CHST8: variants seen among roughly 807,000 people sequenced by gnomAD.
CHST8 encodes the protein GALNAC-4-ST1.
Under a neutral mutation model 15.0 loss-of-function variants are expected in CHST8, and 10 were observed. The ratio of observed to expected loss-of-function variants is 0.67; its 90% CI spans 0.41 to 1.13. CHST8 has a LOEUF of 1.13. Among genes scored for constraint, CHST8 ranks in the 50% most tolerant of loss-of-function variants. The probability of loss-of-function intolerance (pLI) is 0.00; values close to 1 mark genes in which losing one functional copy is unlikely to be tolerated. For synonymous variants in CHST8, 259 were observed against 256.6 expected, an observed-to-expected ratio of 1.01 and a Z score of -0.09; for missense variants, 634 against 608.2, an observed-to-expected ratio of 1.04 and a Z score of -0.45.
At chr19:33,720,296 C>A (rs912554357) in intron 3 of CHST8, among the ~76,000 whole-genome samples, 1 of 151,434 alleles carries the variant, frequency 6.6e-6, no homozygotes, top group East Asian at 1.9e-4. Flanking sequence ...CATACACACT[C>A]CCACACACAC....
intron 3 of CHST8, among the ~76,000 whole-genome samples, chr19:33,749,814 T>C (rs1259906701): frequency 6.6e-6 from 1 of 152,030 alleles, no homozygotes; most frequent in Non-Finnish European, 1.5e-5. Context: ...CCCTTAGCTA[T>C]GGGTGGGTTG....
rs756906111 is a variant in CHST8, at chr19:33,772,198, C to A, written c.410C>A (p.Pro137Gln). The A allele has an allele frequency of 3.1e-6, 5 of 1,592,872 alleles. No homozygotes were observed. The highest frequency in any genetic ancestry group is 1.3e-5 in the African/African-American group (1 of 74,648). The stretch of plus-strand genomic sequence containing the variant: ...AGCTCGGACGCGCCCTTCATCCGGC[C>A]GGGACCCGGGACGCTGGATGGCCGC... ...ANSSDAPFIR[P>Q]GPGTLDGRWV... The change falls in exon 5 of 5, where the codon CCG (proline) becomes CAG (glutamine). Residue 137 changes from proline (P) to glutamine (Q), a missense_variant. Physicochemically the swap from Pro to Gln is moderately conservative, Grantham distance 76. Coordinates refer to ENST00000650847, the MANE Select transcript of CHST8 (RefSeq NM_001127895.2).
chr19:33,772,778 T>G lies in CHST8; in HGVS notation c.990T>G (p.His330Gln), dbSNP rs749658025. Residue 330 changes from histidine to glutamine, a missense_variant, in exon 5 of 5, where the codon CAT becomes CAG. His to Gln is a conservative substitution (Grantham distance 24). Transcript: ENST00000650847. ...RPVGMDIHWD[H>Q]VSRLCSPCLI... ...TGGGGATGGACATTCACTGGGACCA[T>G]GTCAGCCGGCTCTGCAGCCCCTGCC... The G allele has an allele frequency of 1.9e-6, 3 of 1,613,284 alleles. No homozygotes were observed. The African/African-American group carries it at 4.0e-5, about 22-fold the overall frequency.
chr19:33,689,251 G>C lies in CHST8; in HGVS notation c.-11G>C. The C allele has an allele frequency of 3.8e-6, 6 of 1,566,840 alleles. No individual in the cohort carries two copies. Among genetic ancestry groups the C allele is most frequent in the Non-Finnish European group, 5.2e-6 (6 of 1,157,536 alleles). ...CCCACACCCAAGAGGTGACCCCTGA[G>C]CCAGCCCCGGATGACCCTGCGACCT... is the stretch of plus-strand genomic sequence containing the variant. On this transcript the variant is annotated 5_prime_UTR_variant, in exon 3 of 5. Transcript: ENST00000650847.
chr19:33,731,226 C>T (rs772164492), intron 3 of CHST8, among the ~76,000 whole-genome samples: 7 of 152,170 alleles, frequency 4.6e-5, no homozygotes, highest in East Asian at 1.9e-4. Context: ...ACTCCATAGG[C>T]GGAGCAGCAG....
intron 1 of CHST8, among the ~76,000 whole-genome samples, chr19:33,626,889 A>G (rs1252909309): frequency 6.6e-6 from 1 of 151,474 alleles, no homozygotes; most frequent in Non-Finnish European, 1.5e-5. Context: ...TCCAGGCTCA[A>G]ACAATCCTCC....
intron 2 of CHST8, among the ~76,000 whole-genome samples, chr19:33,673,105 G>A (rs1449209524): frequency 2.0e-5 from 3 of 152,200 alleles, no homozygotes; most frequent in Non-Finnish European, 4.4e-5. Flanking sequence ...ACCCAGCCCA[G>A]GGCTGTGTGG....
chr19:33,704,069 G>A (rs284339), intron 3 of CHST8, among the ~76,000 whole-genome samples: 4,106 of 152,226 alleles, frequency 0.027, 183 homozygotes, highest in African/African-American at 0.093. Context: ...GCATTTTTCA[G>A]CCCTCCCCAA....
Position 33,757,483 on chromosome 19 carries a change from AAAG to A in CHST8, c.131-13927_131-13925del, listed in dbSNP as rs1974597895. On this transcript the variant is annotated intron_variant, in intron 3 of 4. Coordinates refer to ENST00000650847, the MANE Select transcript of CHST8 (RefSeq NM_001127895.2). ...GAAAGAAAGAAAGAAAGAAAGAAAG[AAAG>A]AAAGAAAGAAAGAAAGAAAGAAAGA... is the stretch of plus-strand genomic sequence containing the variant. Among the ~76,000 whole-genome samples, 3 of 48,104 alleles carry A rather than the reference AAAG, an allele frequency of 6.2e-5. 1 individual carries two copies. Among genetic ancestry groups the A allele is most frequent in the Non-Finnish European group, 1.3e-4 (3 of 23,460 alleles). The allele number at this position is 48,104 out of a possible 152,430, so 31.6% of individuals were successfully genotyped here.
chr19:33,651,372 T>TAA (rs34648209), intron 1 of CHST8, among the ~76,000 whole-genome samples: 37 of 151,724 alleles, frequency 2.4e-4, no homozygotes, highest in Admixed American at 2.0e-3. Context: ...CTTTTAAACT[T>TAA]AAAAAAAAGC....
intron 3 of CHST8, among the ~76,000 whole-genome samples, chr19:33,727,675 C>T (rs889539212): frequency 6.6e-6 from 1 of 152,214 alleles, no homozygotes; most frequent in Non-Finnish European, 1.5e-5. Context: ...GAAGGAGGAA[C>T]ACATGTTAAA....
chr19:33,626,783 CT>C (rs373066494), intron 1 of CHST8, among the ~76,000 whole-genome samples: 4,083 of 133,408 alleles, frequency 0.031, 58 homozygotes, highest in African/African-American at 0.068. Flanking sequence ...TTTTTTTTTC[CT>C]TTTTTTTTTT....
intron 1 of CHST8, among the ~76,000 whole-genome samples, chr19:33,636,379 C>T (rs1972201757): frequency 6.6e-6 from 1 of 152,164 alleles, no homozygotes; most frequent in Non-Finnish European, 1.5e-5. Flanking sequence ...TGCCTTGACT[C>T]GTAAACAACC....
chr19:33,629,092 T>G (rs1972092242), intron 1 of CHST8, among the ~76,000 whole-genome samples: 1 of 152,192 alleles, frequency 6.6e-6, no homozygotes, highest in Admixed American at 6.5e-5. Flanking sequence ...AGCTCCATGG[T>G]GGGGACAAGC....
intron 1 of CHST8, among the ~76,000 whole-genome samples, chr19:33,655,283 C>T (rs147944193): frequency 0.014 from 2,180 of 152,174 alleles, 46 homozygotes; most frequent in African/African-American, 0.049. Context: ...GAGATCTGCC[C>T]GCCTCAGCCT....
chr19:33,719,209 C>T (rs1973730313), intron 3 of CHST8, among the ~76,000 whole-genome samples: 1 of 151,642 alleles, frequency 6.6e-6, no homozygotes, highest in South Asian at 2.1e-4. Flanking sequence ...ATGTTTACAC[C>T]TCCCTTGATA....
chr19:33,739,614 C>T (rs960025442), intron 3 of CHST8, among the ~76,000 whole-genome samples: 61 of 152,282 alleles, frequency 4.0e-4, no homozygotes, highest in Non-Finnish European at 3.5e-4. Flanking sequence ...TTTGTGAATG[C>T]GTGGATGAGT....
intron 3 of CHST8, among the ~76,000 whole-genome samples, chr19:33,767,378 G>A (rs572925561): frequency 5.3e-4 from 80 of 152,322 alleles, no homozygotes; most frequent in African/African-American, 9.6e-4. Flanking sequence ...GGACATGCTG[G>A]TATAGCCTCC....
intron 1 of CHST8, among the ~76,000 whole-genome samples, chr19:33,628,749 C>T (rs955036043): frequency 6.6e-5 from 10 of 152,278 alleles, no homozygotes; most frequent in African/African-American, 2.2e-4. Flanking sequence ...CTACACTGGT[C>T]GAACCAGTGC....
Sources: gnomAD v4.1 joint callset for allele counts (sites outside exome capture counted in the v4.1 genomes callset) on GRCh38, gnomAD v4.1.1 for gene constraint, MANE v1.5 for transcripts, NCBI Gene and HGNC (gene_info 2026-07-23, HGNC 2026-07-21) for gene names.